Variants in GNE observed in about 807,000 individuals in gnomAD.
GNE encodes glucosamine (UDP-N-acetyl)-2-epimerase/N-acetylmannosamine kinase, also known as bifunctional UDP-N-acetylglucosamine 2-epimerase/N-acetylmannosamine kinase.
GNE carries 41 observed loss-of-function variants against 61.8 expected under a neutral mutation model. The observed-to-expected ratio is 0.66, with a 90% CI of 0.52 to 0.86. The LOEUF is 0.86. Among genes scored for constraint, GNE ranks in the 40% least tolerant of loss-of-function variants. The pLI is 0.00. For missense variants in GNE, 608 were observed against 909.1 expected, an observed-to-expected ratio of 0.67 and a Z score of 4.26; for synonymous variants, 264 against 326.4, an observed-to-expected ratio of 0.81 and a Z score of 2.06.
intron 1 of GNE, among the ~76,000 whole-genome samples, chr9:36,274,208 C>T (rs1831163110): frequency 6.6e-6 from 1 of 151,822 alleles, no homozygotes; most frequent in Non-Finnish European, 1.5e-5. Flanking sequence ...CTATCCTCTC[C>T]CCTCAGCCAC....
chr9:36,230,566 C>T (rs1324566050), intron 5 of GNE, among the ~76,000 whole-genome samples: 3 of 152,014 alleles, frequency 2.0e-5, no homozygotes, highest in Non-Finnish European at 4.4e-5. Flanking sequence ...AAGTGATCCT[C>T]CCGCCTCAGC....
At chr9:36,241,526 A>T (rs1364528533) in intron 3 of GNE, among the ~76,000 whole-genome samples, 1 of 152,212 alleles carries the variant, frequency 6.6e-6, no homozygotes, top group Non-Finnish European at 1.5e-5. Flanking sequence ...CCCTGGCAAG[A>T]ATACATTTCA....
At chr9:36,268,175 T>C (rs1830879876) in intron 1 of GNE, among the ~76,000 whole-genome samples, 1 of 152,082 alleles carries the variant, frequency 6.6e-6, no homozygotes, top group Non-Finnish European at 1.5e-5. Context: ...CAATAAATTA[T>C]TTCTTATCTG....
chr9:36,220,100 G>T, intron 9 of GNE, 80 bp from the exon 10 acceptor site: 2 of 1,180,256 alleles, frequency 1.7e-6, no homozygotes, highest in Non-Finnish European at 1.3e-6. Flanking sequence ...CATCTATTTA[G>T]CAGAGCTTTG....
At position 36,234,018 on chromosome 9, in the gene GNE, C is replaced by G; in HGVS notation, c.884G>C (p.Gly295Ala). The stretch of plus-strand genomic sequence containing the variant: ...ACAGCTGCTGTTCCCAATCATACAG[C>G]CAGCATGGGCAACCAACTGTATAAA... ...DQFIQLVAHA[G>A]CMIGNSSCGV... Residue 295 changes from glycine (G) to alanine (A), a missense_variant, in exon 5 of 12, where the codon GGC becomes GCC. By Grantham distance (60) the Gly-to-Ala change is moderately conservative (BLOSUM62 0). Transcript: ENST00000642385. 1 of 1,614,168 alleles carries G rather than the reference C, an allele frequency of 6.2e-7. No individual in the cohort carries two copies.
chr9:36,229,952 CTTTTT>C (rs1175311803), intron 5 of GNE, among the ~76,000 whole-genome samples: 1 of 146,944 alleles, frequency 6.8e-6, no homozygotes, highest in Admixed American at 6.8e-5. Context: ...TCTCCTTTCA[CTTTTT>C]TTTTTTTGAG....
chr9:36,258,460 C>T, upstream of GNE: 1 of 985,532 alleles, frequency 1.0e-6, no homozygotes, highest in Non-Finnish European at 1.2e-6. Context: ...ACTCGTCGCT[C>T]GACCTTGTCC....
rs1022557448 is a variant in GNE at position 36,227,235 on chromosome 9, G to A, written c.1281+13C>T. The A allele has an allele frequency of 1.9e-6, 3 of 1,557,646 alleles. No individual in the cohort carries two copies. The highest frequency in any genetic ancestry group is 2.7e-6 in the Non-Finnish European group (3 of 1,128,758). ...TATGGGATATAAAGTTAGGAGTTTA[G>A]GAGTTATTTTACCTTCATGCTGACT... On this transcript the variant is annotated intron_variant, in intron 7 of 11. Transcript: ENST00000642385.
rs895611599 is a variant in GNE at position 36,214,812 on chromosome 9, G to A, written c.*2553C>T. 6.6e-6 allele frequency: 1 copy of A among 152,166 alleles called. No homozygotes were observed. The highest frequency in any genetic ancestry group is 2.4e-5 in the African/African-American group (1 of 41,436). 9.4% of individuals were successfully genotyped at this position (152,166 alleles called of 1,614,324 possible). ...CATGGAATGTCTGAACAATAACCAG[G>A]CCCTGGAGATTACTGCAGGGCTGGC... On this transcript the variant is annotated 3_prime_UTR_variant, in exon 12 of 12. Transcript: ENST00000642385.
Position 36,249,176 on chromosome 9 carries a change from A to G in GNE, c.164+16T>C, listed in dbSNP as rs1156327050. On this transcript the variant is annotated intron_variant, in intron 2 of 11. Transcript: ENST00000642385. ...ACACTGTTGCAATGAAGAATAAGAA[A>G]ATGCTTTCATCTTACCCATAGTCAT... 7 of 1,600,688 alleles carry G rather than the reference A, an allele frequency of 4.4e-6. No individual in the cohort carries two copies. The highest frequency in any genetic ancestry group is 5.1e-6 in the Non-Finnish European group (6 of 1,167,832).
At chr9:36,222,311 T>C (rs949472233) in intron 9 of GNE, among the ~76,000 whole-genome samples, 11 of 146,730 alleles carry the variant, frequency 7.5e-5, no homozygotes, top group African/African-American at 2.8e-4. Flanking sequence ...CCCAGCTACT[T>C]GGGAGGCTGA....
chr9:36,233,705 T>G (rs188764557), intron 5 of GNE, among the ~76,000 whole-genome samples: 1 of 152,162 alleles, frequency 6.6e-6, no homozygotes, highest in African/African-American at 2.4e-5. Flanking sequence ...TGCTAATTGA[T>G]ATTACAAAGA....
At chr9:36,250,977 G>A (rs953457534) in intron 1 of GNE, among the ~76,000 whole-genome samples, 12 of 152,004 alleles carry the variant, frequency 7.9e-5, no homozygotes, top group South Asian at 2.1e-4. Flanking sequence ...CATTGCGCCC[G>A]GCCTCCTACA....
Position 36,257,379 on chromosome 9 carries a change from G to C in GNE, c.-43+942C>G, listed in dbSNP as rs181973715. Among the ~76,000 whole-genome samples the C allele has an allele frequency of 2.2e-3, 337 of 152,208 alleles. 3 individuals are homozygous for C. Among genetic ancestry groups the C allele is most frequent in the African/African-American group, 6.7e-3 (280 of 41,526 alleles). Reference sequence around the variant, plus strand: ...GGGCCCCATTCCGACGCTATAATTCGGTTTGGCTTCAACTGCGGCGCTCCT... The same window carrying C: ...GGGCCCCATTCCGACGCTATAATTCCGTTTGGCTTCAACTGCGGCGCTCCT... On this transcript the variant is annotated intron_variant, in intron 1 of 11. Transcript: ENST00000642385.
chr9:36,231,066 T>TA (rs529903965), intron 5 of GNE, among the ~76,000 whole-genome samples: 952 of 68,036 alleles, frequency 0.014, 16 homozygotes, highest in Admixed American at 0.059. Context: ...ACTGCTTCAC[T>TA]AAAAAAAAAA....
chr9:36,217,738 C>T (rs1234072039), intron 11 of GNE, 138 bp from the exon 12 acceptor site: 16 of 704,234 alleles, frequency 2.3e-5, no homozygotes, highest in Non-Finnish European at 3.6e-5. Context: ...GTTTTAAAAG[C>T]AGTTCACGGT....
At position 36,223,411 on chromosome 9, in the gene GNE, G is replaced by A. The variant is rs1330656674; in HGVS notation, c.1373C>T (p.Ala458Val). 4 of 1,613,216 alleles carry A rather than the reference G, an allele frequency of 2.5e-6. No homozygotes were observed. Among genetic ancestry groups the A allele is most frequent in the Non-Finnish European group, 3.4e-6 (4 of 1,179,194 alleles). The part of the protein sequence containing the change: ...LILQMCVEAA[A>V]EAVKLNCRIL... ...TCTGCAGTTCAGTTTTACAGCTTCT[G>A]CTGCAGCTTCCACACACATCTGTAG... The change falls in exon 8 of 12, where the codon GCA becomes GTA. Residue 458 changes from alanine (A) to valine (V), a missense_variant. Transcript: ENST00000642385.
chr9:36,230,509 G>C (rs1829094933), intron 5 of GNE, among the ~76,000 whole-genome samples: 1 of 151,346 alleles, frequency 6.6e-6, no homozygotes. Context: ...ACCCTGGCTG[G>C]AGTGTAGTGG....
chr9:36,248,937 C>T (rs1306521061), intron 2 of GNE, among the ~76,000 whole-genome samples: 1 of 152,170 alleles, frequency 6.6e-6, no homozygotes, highest in Non-Finnish European at 1.5e-5. Flanking sequence ...ATTTATCAAT[C>T]ATCTACTAAG....
Sources: gnomAD v4.1 joint callset for allele counts (sites outside exome capture counted in the v4.1 genomes callset) on GRCh38, gnomAD v4.1.1 for gene constraint, MANE v1.5 for transcripts, NCBI Gene and HGNC (gene_info 2026-07-23, HGNC 2026-07-21) for gene names.